The following SPOCK3 variants were observed in gnomAD, a reference collection of about 807,000 sequenced individuals.
The protein encoded by SPOCK3 is testican-3.
SPOCK3 carries 30 observed loss-of-function variants against 56.6 expected under a neutral mutation model. The observed-to-expected ratio is 0.53, with a 90% CI of 0.40 to 0.72. The LOEUF is 0.72. SPOCK3 is among the 30% of genes least tolerant of loss of function. The probability of loss-of-function intolerance (pLI) is 0.00; values close to 1 mark genes in which losing one functional copy is unlikely to be tolerated. For synonymous variants in SPOCK3, 196 were observed against 183.3 expected, an observed-to-expected ratio of 1.07 and a Z score of -0.56; for missense variants, 527 against 530.0, an observed-to-expected ratio of 0.99 and a Z score of 0.06.
At chr4:167,215,600 A>G (rs1296929462) in intron 2 of SPOCK3, among the ~76,000 whole-genome samples, 1 of 152,184 alleles carries the variant, frequency 6.6e-6, no homozygotes, top group East Asian at 1.9e-4. Context: ...GATAGGTGAT[A>G]CCTGATTTGT....
intron 4 of SPOCK3, among the ~76,000 whole-genome samples, chr4:166,914,748 C>T (rs761670078): frequency 5.3e-5 from 8 of 151,994 alleles, no homozygotes; most frequent in Admixed American, 1.3e-4. Flanking sequence ...CCAGTCTGAG[C>T]GAAACTCCGT....
chr4:167,231,987 G>T (rs150057185), intron 2 of SPOCK3, among the ~76,000 whole-genome samples: 4 of 152,222 alleles, frequency 2.6e-5, no homozygotes, highest in Non-Finnish European at 5.9e-5. Context: ...AAATGTATCA[G>T]TAAATCCTTT....
At chr4:166,796,122 A>C (rs1379372059) in intron 6 of SPOCK3, among the ~76,000 whole-genome samples, 7 of 152,114 alleles carry the variant, frequency 4.6e-5, no homozygotes, top group African/African-American at 7.2e-5. Flanking sequence ...TGCTGCCCTG[A>C]TCTTGCACTT....
intron 4 of SPOCK3, among the ~76,000 whole-genome samples, chr4:166,930,779 C>T (rs779797262): frequency 6.6e-6 from 1 of 152,072 alleles, no homozygotes; most frequent in Non-Finnish European, 1.5e-5. Context: ...TTATTTTTGT[C>T]CCAGAATATT....
intron 6 of SPOCK3, among the ~76,000 whole-genome samples, chr4:166,861,744 T>C (rs1003965763): frequency 3.9e-5 from 6 of 152,122 alleles, no homozygotes; most frequent in Non-Finnish European, 7.4e-5. Flanking sequence ...CATTTCCTTT[T>C]CTGATTGGAC....
At chr4:167,187,091 T>C (rs1732055469) in intron 2 of SPOCK3, among the ~76,000 whole-genome samples, 1 of 151,984 alleles carries the variant, frequency 6.6e-6, no homozygotes, top group Non-Finnish European at 1.5e-5. Flanking sequence ...TAAAAACATA[T>C]ACAGTTAATA....
intron 2 of SPOCK3, among the ~76,000 whole-genome samples, chr4:167,208,270 G>A (rs1028772980): frequency 6.6e-6 from 1 of 152,012 alleles, no homozygotes; most frequent in African/African-American, 2.4e-5. Flanking sequence ...AAATTAAAAT[G>A]GTATAATAAC....
intron 4 of SPOCK3, among the ~76,000 whole-genome samples, chr4:166,939,908 T>C (rs900293222): frequency 2.7e-4 from 41 of 152,206 alleles, no homozygotes; most frequent in African/African-American, 9.9e-4. Context: ...TAAGAGAAAC[T>C]AGAAACACAT....
intron 2 of SPOCK3, among the ~76,000 whole-genome samples, chr4:167,200,167 T>C (rs1036535783): frequency 6.6e-6 from 1 of 152,040 alleles, no homozygotes. Context: ...GCAGGAAAAT[T>C]CAGGATACAA....
intron 4 of SPOCK3, among the ~76,000 whole-genome samples, chr4:166,990,754 T>G (rs1441856298): frequency 6.6e-6 from 1 of 152,048 alleles, no homozygotes; most frequent in Non-Finnish European, 1.5e-5. Context: ...TAAAATAAAA[T>G]GAATTTATTA....
At chr4:166,937,159 A>G (rs541849576) in intron 4 of SPOCK3, among the ~76,000 whole-genome samples, 26 of 152,178 alleles carry the variant, frequency 1.7e-4, no homozygotes, top group Admixed American at 3.9e-4. Flanking sequence ...GGTAGATACC[A>G]AAAATAAGCA....
intron 8 of SPOCK3, among the ~76,000 whole-genome samples, chr4:166,750,565 T>A (rs922267840): frequency 3.5e-4 from 53 of 149,600 alleles, no homozygotes; most frequent in African/African-American, 1.2e-3. Context: ...GAAAAAAAAA[T>A]AGAAGTTAAA....
intron 4 of SPOCK3, among the ~76,000 whole-genome samples, chr4:166,994,054 A>C (rs1161540393): frequency 6.6e-6 from 1 of 152,128 alleles, no homozygotes; most frequent in Non-Finnish European, 1.5e-5. Context: ...TTCAAATTAC[A>C]TCCATTAACC....
At chr4:166,751,319 C>T (rs1315342656) in intron 8 of SPOCK3, among the ~76,000 whole-genome samples, 1 of 152,122 alleles carries the variant, frequency 6.6e-6, no homozygotes, top group East Asian at 1.9e-4. Context: ...CCAATAATGT[C>T]ATTAATTTTC....
chr4:166,962,073 A>G (rs191874794), intron 4 of SPOCK3, among the ~76,000 whole-genome samples: 4 of 152,212 alleles, frequency 2.6e-5, no homozygotes, highest in Non-Finnish European at 5.9e-5. Context: ...AGTCTTTCTC[A>G]AATCACATCA....
intron 2 of SPOCK3, among the ~76,000 whole-genome samples, chr4:167,089,915 C>T (rs2150307597): frequency 6.6e-6 from 1 of 152,134 alleles, no homozygotes; most frequent in Middle Eastern, 3.4e-3. Flanking sequence ...TTGCTCTTTC[C>T]CGTAGTATGG....
intron 2 of SPOCK3, among the ~76,000 whole-genome samples, chr4:167,166,733 A>G (rs1445518878): frequency 6.6e-6 from 1 of 152,106 alleles, no homozygotes; most frequent in East Asian, 1.9e-4. Context: ...AGCACTTTAC[A>G]TATTTCTTTT....
At chr4:166,958,827 A>G (rs1743812544) in intron 4 of SPOCK3, among the ~76,000 whole-genome samples, 1 of 152,184 alleles carries the variant, frequency 6.6e-6, no homozygotes, top group South Asian at 2.1e-4. Flanking sequence ...TTACTACTGT[A>G]TCACCAGAAC....
At chr4:166,920,840 G>A (rs543018367) in intron 4 of SPOCK3, among the ~76,000 whole-genome samples, 10 of 152,202 alleles carry the variant, frequency 6.6e-5, no homozygotes, top group African/African-American at 2.4e-4. Flanking sequence ...TTTCTTAACA[G>A]AAGCCAATGA....
Sources: gnomAD v4.1 joint callset for allele counts (sites outside exome capture counted in the v4.1 genomes callset) on GRCh38, gnomAD v4.1.1 for gene constraint, MANE v1.5 for transcripts, NCBI Gene and HGNC (gene_info 2026-07-23, HGNC 2026-07-21) for gene names.